Variants in TNFSF4 observed in about 807,000 individuals in gnomAD.
TNFSF4 encodes tumor necrosis factor ligand superfamily member 4.
Under a neutral mutation model 7.3 loss-of-function variants are expected in TNFSF4, and 4 were observed. The ratio of observed to expected loss-of-function variants is 0.55; its 90% confidence interval spans 0.27 to 1.25. TNFSF4 has a LOEUF of 1.25. Ranked by LOEUF, TNFSF4 falls within the 50% of genes most tolerant of loss-of-function variation. TNFSF4 has a pLI of 0.12. For synonymous variants in TNFSF4, 76 were observed against 83.7 expected, an observed-to-expected ratio of 0.91 and a Z score of 0.50; for missense variants, 181 against 208.8, an observed-to-expected ratio of 0.87 and a Z score of 0.82.
At chr1:173,323,944 T>C in the TNFSF4 span, among the ~76,000 whole-genome samples, 2 of 152,192 alleles carry the variant, frequency 1.3e-5, no homozygotes, top group Admixed American at 6.5e-5. Flanking sequence ...CTCTGCAGGA[T>C]ATTGTCCACA....
chr1:173,420,194 G>C, the TNFSF4 span, among the ~76,000 whole-genome samples: 2 of 151,674 alleles, frequency 1.3e-5, no homozygotes, highest in Admixed American at 6.6e-5. Context: ...AAATAAAGAG[G>C]CTCTTTAAAA....
chr1:173,334,274 C>T, the TNFSF4 span, among the ~76,000 whole-genome samples: 2 of 152,056 alleles, frequency 1.3e-5, no homozygotes, highest in Non-Finnish European at 1.5e-5. Context: ...AATAGGGAGA[C>T]ACAAAATATC....
At chr1:173,425,226 G>A in the TNFSF4 span, among the ~76,000 whole-genome samples, 1 of 152,194 alleles carries the variant, frequency 6.6e-6, no homozygotes, top group South Asian at 2.1e-4. Flanking sequence ...TTGGCTCAGT[G>A]CAGCTCAGGG....
chr1:173,330,361 T>C, the TNFSF4 span, among the ~76,000 whole-genome samples: 1 of 151,144 alleles, frequency 6.6e-6, no homozygotes, highest in Non-Finnish European at 1.5e-5. Flanking sequence ...TGTTAATAAA[T>C]TATTAATATT....
At chr1:173,300,988 A>G in the TNFSF4 span, among the ~76,000 whole-genome samples, 1 of 152,056 alleles carries the variant, frequency 6.6e-6, no homozygotes, top group South Asian at 2.1e-4. Context: ...AATGATAACC[A>G]TTCTTACAGT....
the TNFSF4 span, among the ~76,000 whole-genome samples, chr1:173,230,987 T>A: frequency 2.0e-5 from 3 of 152,116 alleles, no homozygotes; most frequent in African/African-American, 4.8e-5. Context: ...CAGCACCAGA[T>A]GGATTCACAG....
chr1:173,311,185 C>CT, the TNFSF4 span, among the ~76,000 whole-genome samples: 2 of 151,802 alleles, frequency 1.3e-5, no homozygotes, highest in African/African-American at 2.4e-5. Context: ...TTTATTGCTC[C>CT]TTTTTTGCCA....
the TNFSF4 span, among the ~76,000 whole-genome samples, chr1:173,227,032 A>T: frequency 2.9e-4 from 44 of 152,090 alleles, no homozygotes; most frequent in African/African-American, 1.1e-3. Flanking sequence ...AAGGACTTGG[A>T]TAATACAACT....
chr1:173,342,860 G>A, the TNFSF4 span, among the ~76,000 whole-genome samples: 31,170 of 152,172 alleles, frequency 0.2, 3,489 homozygotes, highest in Middle Eastern at 0.27. Context: ...TCGTTTGGTA[G>A]TGGTGAAGGC....
chr1:173,321,332 A>G, the TNFSF4 span, among the ~76,000 whole-genome samples: 1 of 152,222 alleles, frequency 6.6e-6, no homozygotes, highest in Non-Finnish European at 1.5e-5. Flanking sequence ...TTAATTCAAT[A>G]TGGATTAAAG....
chr1:173,300,951 G>A, the TNFSF4 span, among the ~76,000 whole-genome samples: 1 of 8,658 alleles, frequency 1.2e-4, no homozygotes, highest in African/African-American at 1.4e-4. Context: ...CAAATGTACT[G>A]TTTGAGAAAC....
the TNFSF4 span, among the ~76,000 whole-genome samples, chr1:173,302,983 A>G: frequency 6.6e-6 from 1 of 151,908 alleles, no homozygotes; most frequent in Non-Finnish European, 1.5e-5. Context: ...ATAGGTATTA[A>G]TTGAGGATTC....
chr1:173,322,847 C>G, the TNFSF4 span, among the ~76,000 whole-genome samples: 1 of 152,150 alleles, frequency 6.6e-6, no homozygotes, highest in Non-Finnish European at 1.5e-5. Context: ...GGAGGGGCGC[C>G]CACCATTGCT....
the TNFSF4 span, among the ~76,000 whole-genome samples, chr1:173,345,859 G>A: frequency 1.3e-5 from 2 of 152,228 alleles, no homozygotes; most frequent in African/African-American, 4.8e-5. Context: ...TGGGCCACCA[G>A]ATGGAGGAAG....
the TNFSF4 span, among the ~76,000 whole-genome samples, chr1:173,264,406 T>C: frequency 1.3e-5 from 2 of 149,918 alleles, no homozygotes; most frequent in Non-Finnish European, 3.0e-5. Flanking sequence ...GTGATTCTCC[T>C]GGCCTCCCAA....
At chr1:173,444,100 G>A in the TNFSF4 span, among the ~76,000 whole-genome samples, 1 of 152,098 alleles carries the variant, frequency 6.6e-6, no homozygotes, top group South Asian at 2.1e-4. Context: ...TTGTTCACCA[G>A]GAGATTCCAC....
At chr1:173,309,845 C>A in the TNFSF4 span, among the ~76,000 whole-genome samples, 4 of 151,960 alleles carry the variant, frequency 2.6e-5, no homozygotes, top group East Asian at 7.7e-4. Flanking sequence ...ATGATGGACT[C>A]AATTTCCTAG....
At chr1:173,255,140 C>T in the TNFSF4 span, among the ~76,000 whole-genome samples, 5 of 152,194 alleles carry the variant, frequency 3.3e-5, no homozygotes, top group Non-Finnish European at 7.3e-5. Flanking sequence ...AAAACCTCAA[C>T]GCTCATGCCC....
the TNFSF4 span, among the ~76,000 whole-genome samples, chr1:173,249,312 T>C: frequency 6.6e-6 from 1 of 152,228 alleles, no homozygotes; most frequent in African/African-American, 2.4e-5. Flanking sequence ...TGCCGAAAAG[T>C]TGACCTAGAT....
Sources: allele counts gnomAD v4.1 joint callset (sites outside exome capture counted in the v4.1 genomes callset), GRCh38; gene constraint gnomAD v4.1.1; transcripts MANE v1.5; gene names NCBI Gene and HGNC (gene_info 2026-07-23, HGNC 2026-07-21).